The following SAP30BP variants were observed in gnomAD, a reference collection of about 807,000 sequenced individuals.
The protein encoded by SAP30BP is SAP30 binding protein.
SAP30BP carries 31 observed loss-of-function variants against 46.3 expected under a neutral mutation model. That is an observed-to-expected ratio of 0.67 (90% CI 0.50 to 0.90). The LOEUF is 0.90. Among genes scored for constraint, SAP30BP ranks in the 40% least tolerant of loss-of-function variants. The probability of loss-of-function intolerance (pLI) is 0.00; values close to 1 mark genes in which losing one functional copy is unlikely to be tolerated. For synonymous variants in SAP30BP, 169 were observed against 144.2 expected (o/e 1.17, Z -1.23); for missense variants, 312 against 391.0 (o/e 0.80, Z 1.70).
intron 3 of SAP30BP, among the ~76,000 whole-genome samples, chr17:75,673,467 C>T (rs532935947): frequency 3.9e-5 from 6 of 152,220 alleles, no homozygotes; most frequent in Non-Finnish European, 7.4e-5. Flanking sequence ...GCACGTAAAA[C>T]AAGCCCAGGG....
At chr17:75,690,809 T>A (rs1464427728) in intron 3 of SAP30BP, 1 of 455,354 alleles carries the variant, frequency 2.2e-6, no homozygotes, top group Admixed American at 2.4e-5. Flanking sequence ...AGATTGATTC[T>A]CCAGAGCCTT....
Position 75,667,366 on chromosome 17 carries a change from G to A in SAP30BP, c.-7G>A, listed in dbSNP as rs750934237. 2 of 1,614,108 alleles carry A rather than the reference G, an allele frequency of 1.2e-6. No individual in the cohort carries two copies. The highest frequency in any genetic ancestry group is 3.3e-5 in the Admixed American group (2 of 60,024). ...GGAGTGAGCCACGCCCGGGCTGTGG[G>A]AATAAGATGGCGGGGAAGAAGAATG... On this transcript the variant is annotated 5_prime_UTR_variant, in exon 1 of 11. Transcript: ENST00000584667.
chr17:75,695,922 C>T (rs2060310499), intron 4 of SAP30BP, among the ~76,000 whole-genome samples: 1 of 152,178 alleles, frequency 6.6e-6, no homozygotes, highest in African/African-American at 2.4e-5. Flanking sequence ...CGTGGGTTCT[C>T]TCTGTCACTC....
chr17:75,705,117 G>A, intron 9 of SAP30BP: 1 of 389,362 alleles, frequency 2.6e-6, no homozygotes, highest in South Asian at 2.3e-5. Flanking sequence ...GTAGCCTGAA[G>A]GGAGGGAAAT....
intron 3 of SAP30BP, among the ~76,000 whole-genome samples, chr17:75,672,973 A>C (rs994181426): frequency 6.6e-5 from 10 of 151,966 alleles, no homozygotes; most frequent in Non-Finnish European, 1.2e-4. Context: ...AAAAAAAAAA[A>C]CAAAAAAAAA....
At chr17:75,703,743 C>G in intron 7 of SAP30BP, 65 bp from the exon 8 acceptor site, 6 of 1,426,540 alleles carry the variant, frequency 4.2e-6, no homozygotes, top group Non-Finnish European at 5.9e-6. Flanking sequence ...TATGGGAAGA[C>G]TTGGGCCAGG....
rs559129833 is a variant in SAP30BP at position 75,669,039 on chromosome 17, GA to G, written c.216+415del. 2.0e-5 allele frequency among the ~76,000 whole-genome samples: 3 copies of G among 151,718 alleles called. No individual in the cohort carries two copies. The East Asian group carries it at 5.8e-4, about 29-fold the overall frequency. On this transcript the variant is annotated intron_variant, in intron 2 of 10. Transcript: ENST00000584667. Reference sequence around the variant, plus strand: ...TTAAGTCTTCTCAGTTTATTAACAAGATAAGAAAGGAAAATTCGTTTTCACC... The same window carrying G: ...TTAAGTCTTCTCAGTTTATTAACAAGTAAGAAAGGAAAATTCGTTTTCACC...
intron 6 of SAP30BP, chr17:75,703,039 G>A (rs1407819544): frequency 1.4e-5 from 7 of 488,322 alleles, no homozygotes; most frequent in Admixed American, 6.9e-5. Context: ...GCCCTTGTGT[G>A]GGTCTGAGTG....
At chr17:75,679,159 G>A (rs1419371784) in intron 3 of SAP30BP, among the ~76,000 whole-genome samples, 1 of 151,954 alleles carries the variant, frequency 6.6e-6, no homozygotes, top group African/African-American at 2.4e-5. Flanking sequence ...ACCACACCTG[G>A]CTAATTTTTT....
chr17:75,689,856 G>A (rs1395229426), intron 3 of SAP30BP, among the ~76,000 whole-genome samples: 1 of 152,214 alleles, frequency 6.6e-6, no homozygotes, highest in Admixed American at 6.5e-5. Flanking sequence ...TTTAACACCA[G>A]TGCCTTGAAC....
At chr17:75,693,206 G>C (rs1242626655) in intron 3 of SAP30BP, 1 of 521,124 alleles carries the variant, frequency 1.9e-6, no homozygotes, top group African/African-American at 1.9e-5. Flanking sequence ...CACTGAAAAG[G>C]CATGGAGGAG....
chr17:75,703,697 G>A (rs377008986), intron 7 of SAP30BP, 111 bp from the exon 8 acceptor site: 17 of 956,514 alleles, frequency 1.8e-5, no homozygotes, highest in African/African-American at 4.8e-5. Flanking sequence ...GATGACAGCC[G>A]AGCCCCGGGT....
Position 75,688,585 on chromosome 17 carries a change from C to T in SAP30BP, c.265-4855C>T, listed in dbSNP as rs569198534. 3.9e-5 allele frequency among the ~76,000 whole-genome samples: 6 copies of T among 152,174 alleles called. No homozygotes were observed. In the South Asian group the frequency reaches 1.2e-3, roughly 32 times the overall value. The stretch of plus-strand genomic sequence containing the variant: ...CTGCCTTTGTGGAACTCAAGTTTGA[C>T]ACTGGAGCTTTGTGGGGCCGGTTCC... On this transcript the variant is annotated intron_variant, in intron 3 of 10. Transcript: ENST00000584667.
chr17:75,695,595 C>T (rs2060305735), intron 4 of SAP30BP, among the ~76,000 whole-genome samples: 1 of 152,144 alleles, frequency 6.6e-6, no homozygotes, highest in African/African-American at 2.4e-5. Flanking sequence ...AGTTTAGTTC[C>T]TCTTACTGAA....
At chr17:75,689,041 C>T (rs1313120978) in intron 3 of SAP30BP, among the ~76,000 whole-genome samples, 2 of 152,152 alleles carry the variant, frequency 1.3e-5, no homozygotes, top group Non-Finnish European at 2.9e-5. Flanking sequence ...GAGGAGGAGA[C>T]CTCGGCTCAG....
At chr17:75,668,316 T>TA in intron 1 of SAP30BP, 200 bp from the exon 2 acceptor site, 1 of 514,894 alleles carries the variant, frequency 1.9e-6, no homozygotes. Context: ...CCTGACCTTT[T>TA]AATGATTTTA....
chr17:75,692,004 G>GCAGT (rs1205007713), intron 3 of SAP30BP: 1 of 154,222 alleles, frequency 6.5e-6, no homozygotes, highest in East Asian at 1.9e-4. Flanking sequence ...AGTTGGTGTG[G>GCAGT]CAGTCCTCCA....
In SAP30BP at chr17:75,703,335, C is replaced by G. The variant is rs745726018; in HGVS notation, c.513C>G (p.Phe171Leu). The G allele has an allele frequency of 4.3e-6, 7 of 1,614,160 alleles. No individual in the cohort carries two copies. The highest frequency in any genetic ancestry group is 1.7e-6 in the Non-Finnish European group (2 of 1,180,026). Residue 171 changes from phenylalanine (F) to leucine (L), a missense_variant, in exon 7 of 11, where the codon TTC becomes TTG. Physicochemically the swap from Phe to Leu is conservative, Grantham distance 22 (BLOSUM62 0). Coordinates refer to ENST00000584667, the MANE Select transcript of SAP30BP (RefSeq NM_013260.8). ...GCATCTACGAGAAGCTGATCCAGTT[C>G]TGTGCCATTGACGAGCTTGGCACCA... is the stretch of plus-strand genomic sequence containing the variant. ...NPSIYEKLIQ[F>L]CAIDELGTNY...
Position 75,706,634 on chromosome 17 carries a change from T to A in SAP30BP, c.*113T>A, listed in dbSNP as rs1359803324. 1 of 957,732 alleles carries A rather than the reference T, an allele frequency of 1.0e-6. No homozygotes were observed. Among genetic ancestry groups the A allele is most frequent in the Non-Finnish European group, 1.6e-6 (1 of 636,318 alleles). 59.3% of individuals were successfully genotyped at this position (957,732 alleles called of 1,614,324 possible). A position where few individuals can be genotyped will look rare whatever the true frequency, so the allele number is the denominator to read the frequency against. ...TGGGACCTACTCCCCAGATGCCACC[T>A]GAGAGGAGCTTCTGTTTGGCATTCC... On this transcript the variant is annotated 3_prime_UTR_variant, in exon 11 of 11. Transcript: ENST00000584667. The surrounding 1 kb of genome is among the most constrained non-coding windows in gnomAD (Gnocchi z 4.6).
Sources: allele counts gnomAD v4.1 joint callset (sites outside exome capture counted in the v4.1 genomes callset), GRCh38; gene constraint gnomAD v4.1.1; non-coding constraint Gnocchi (gnomAD v3.1); transcripts MANE v1.5; gene names NCBI Gene and HGNC (gene_info 2026-07-23, HGNC 2026-07-21).